The following TRHDE variants were observed in gnomAD, a reference collection of about 807,000 sequenced individuals.
TRHDE encodes the protein thyrotropin releasing hormone degrading enzyme.
TRHDE carries 72 observed loss-of-function variants against 125.7 expected under a neutral mutation model. The ratio of observed to expected loss-of-function variants is 0.57; its 90% confidence interval spans 0.47 to 0.70. The LOEUF (loss-of-function observed/expected upper bound fraction) is 0.70. TRHDE is among the 30% of genes least tolerant of loss of function. The pLI is 0.00. For missense variants in TRHDE, 1,110 were observed against 1,327.1 expected, an observed-to-expected ratio of 0.84 and a Z score of 2.54; for synonymous variants, 509 against 509.1, an observed-to-expected ratio of 1.00 and a Z score of 0.00.
intron 2 of TRHDE, among the ~76,000 whole-genome samples, chr12:72,325,481 G>A (rs1465278574): frequency 6.6e-6 from 1 of 151,916 alleles, no homozygotes; most frequent in Non-Finnish European, 1.5e-5. Flanking sequence ...TGTTGTAACT[G>A]GAATTTGATG....
In TRHDE at chr12:72,578,423, C is replaced by G. The variant is rs17111486; in HGVS notation, c.2321+2881C>G. 4.6e-3 allele frequency among the ~76,000 whole-genome samples: 699 copies of G among 152,200 alleles called. 5 individuals carry two copies. The highest frequency in any genetic ancestry group is 0.014 in the Middle Eastern group (4 of 294). ...CATGAAATTTCTTGCTATCCTCATT[C>G]CCCTTGACTGTTGAGATTATTATCA... On this transcript the variant is annotated intron_variant, in intron 12 of 18. Transcript: ENST00000261180.
chr12:72,524,885 C>T (rs1221048570), intron 6 of TRHDE, among the ~76,000 whole-genome samples: 1 of 152,162 alleles, frequency 6.6e-6, no homozygotes, highest in Non-Finnish European at 1.5e-5. Flanking sequence ...TCAAGGAAAA[C>T]AGACAATCCT....
At chr12:72,597,715 A>ATG (rs1203791852) in intron 12 of TRHDE, among the ~76,000 whole-genome samples, 27 of 2,148 alleles carry the variant, frequency 0.013, no homozygotes, top group Non-Finnish European at 0.013. Flanking sequence ...GTGTGTATGT[A>ATG]TATATATATA....
chr12:72,142,536 G>C (rs941382479), intron 2 of TRHDE, among the ~76,000 whole-genome samples: 5 of 152,146 alleles, frequency 3.3e-5, no homozygotes, highest in African/African-American at 4.8e-5. Flanking sequence ...GGAAATACCG[G>C]GTAGAAGAGG....
intron 2 of TRHDE, among the ~76,000 whole-genome samples, chr12:72,130,938 T>C (rs988325395): frequency 4.6e-5 from 7 of 152,148 alleles, no homozygotes; most frequent in Non-Finnish European, 7.3e-5. Context: ...CACCATTTTA[T>C]AAAGCAATGT....
At chr12:72,650,401 C>G (rs1874457537) in intron 15 of TRHDE, among the ~76,000 whole-genome samples, 1 of 152,090 alleles carries the variant, frequency 6.6e-6, no homozygotes, top group East Asian at 1.9e-4. Flanking sequence ...ATATATGGCA[C>G]CAGTATAGTA....
intron 2 of TRHDE, among the ~76,000 whole-genome samples, chr12:72,133,864 T>G (rs924629030): frequency 6.6e-6 from 1 of 152,168 alleles, no homozygotes; most frequent in African/African-American, 2.4e-5. Context: ...CCTCCTCAGC[T>G]TTTCCCTGGG....
intron 10 of TRHDE, among the ~76,000 whole-genome samples, chr12:72,568,859 T>G (rs1870584558): frequency 6.6e-6 from 1 of 152,198 alleles, no homozygotes; most frequent in African/African-American, 2.4e-5. Flanking sequence ...CTAAATTATT[T>G]GTTTCTTTAA....
upstream of TRHDE, among the ~76,000 whole-genome samples, chr12:72,271,175 CCTTTA>C (rs1268434573): frequency 1.3e-5 from 2 of 152,142 alleles, no homozygotes; most frequent in Non-Finnish European, 2.9e-5. Flanking sequence ...CTTGCTTTGG[CCTTTA>C]CTTCCGGAGG....
intron 2 of TRHDE, among the ~76,000 whole-genome samples, chr12:72,120,061 T>G (rs1197711906): frequency 6.7e-6 from 1 of 148,512 alleles, no homozygotes; most frequent in African/African-American, 2.5e-5. Context: ...TCTCTTCTCT[T>G]TTTTTTTTTT....
intron 2 of TRHDE, among the ~76,000 whole-genome samples, chr12:72,247,917 C>A (rs1475808790): frequency 1.3e-5 from 2 of 151,882 alleles, no homozygotes; most frequent in African/African-American, 4.8e-5. Flanking sequence ...ATGTATGTAT[C>A]TATCTATTAT....
Position 72,312,222 on chromosome 12 carries a change from T to A in TRHDE, c.1188+25268T>A, listed in dbSNP as rs532469262. On this transcript the variant is annotated intron_variant, in intron 2 of 18. Transcript: ENST00000261180. Reference sequence around the variant, plus strand: ...TCACCTTGCTGATTTCCTGTATTGCTGCCCATTATGCAGCATGATGACTTT... The same window carrying A: ...TCACCTTGCTGATTTCCTGTATTGCAGCCCATTATGCAGCATGATGACTTT... Among the ~76,000 whole-genome samples, 34 of 152,344 alleles carry A rather than the reference T, an allele frequency of 2.2e-4. No homozygotes were observed. In the South Asian group the frequency reaches 6.2e-3, roughly 28 times the overall value.
chr12:72,436,737 A>T (rs1874764408), intron 3 of TRHDE, among the ~76,000 whole-genome samples: 1 of 151,710 alleles, frequency 6.6e-6, no homozygotes, highest in African/African-American at 2.4e-5. Context: ...ATTTTTCTGA[A>T]TTTTCTTATT....
intron 6 of TRHDE, among the ~76,000 whole-genome samples, chr12:72,520,782 A>G (rs1364782016): frequency 2.6e-5 from 4 of 152,206 alleles, no homozygotes; most frequent in African/African-American, 9.6e-5. Flanking sequence ...TAAGTCTTAA[A>G]GTAATAAGGT....
At chr12:72,454,638 G>A (rs1875748835) in intron 3 of TRHDE, among the ~76,000 whole-genome samples, 1 of 152,116 alleles carries the variant, frequency 6.6e-6, no homozygotes, top group Non-Finnish European at 1.5e-5. Context: ...CAAACTCAGG[G>A]GAAAGGACCC....
At chr12:72,517,445 G>A (rs1592505442) in intron 6 of TRHDE, among the ~76,000 whole-genome samples, 2 of 152,036 alleles carry the variant, frequency 1.3e-5, no homozygotes, top group East Asian at 1.9e-4. Context: ...GGTGTTTGTA[G>A]TATTCTCTGA....
At chr12:72,539,547 C>T (rs1231036959) in intron 6 of TRHDE, among the ~76,000 whole-genome samples, 2 of 151,818 alleles carry the variant, frequency 1.3e-5, no homozygotes, top group Admixed American at 6.6e-5. Flanking sequence ...AGGGTGGTAC[C>T]AAGTCATGAG....
chr12:72,610,441 A>G lies in TRHDE; in HGVS notation c.2322-8450A>G, dbSNP rs939080242. Among the ~76,000 whole-genome samples the G allele has an allele frequency of 4.6e-5, 7 of 152,216 alleles. No homozygotes were observed. The East Asian group carries it at 5.8e-4, about 13-fold the overall frequency. Reference sequence around the variant, plus strand: ...CTCATCTTGAAAGACCACGTGGCACATTTGAGTTTGCTCTCCGTAGCAGCC... The same window carrying G: ...CTCATCTTGAAAGACCACGTGGCACGTTTGAGTTTGCTCTCCGTAGCAGCC... On this transcript the variant is annotated intron_variant, in intron 12 of 18. Coordinates refer to ENST00000261180, the MANE Select transcript of TRHDE (RefSeq NM_013381.3).
At chr12:72,596,251 C>G (rs1020282518) in intron 12 of TRHDE, among the ~76,000 whole-genome samples, 2 of 152,046 alleles carry the variant, frequency 1.3e-5, no homozygotes, top group Non-Finnish European at 2.9e-5. Context: ...AGAGGAGTTG[C>G]AAACATCTTT....
Sources: allele counts gnomAD v4.1 joint callset (sites outside exome capture counted in the v4.1 genomes callset), GRCh38; gene constraint gnomAD v4.1.1; transcripts MANE v1.5; gene names NCBI Gene and HGNC (gene_info 2026-07-23, HGNC 2026-07-21).